TEDC1: variants seen among roughly 807,000 people sequenced by gnomAD.
TEDC1 encodes tubulin epsilon and delta complex protein 1.
Under a neutral mutation model 59.9 loss-of-function variants are expected in TEDC1, and 54 were observed. The observed-to-expected ratio is 0.90, with a 90% confidence interval of 0.72 to 1.13. TEDC1 has a LOEUF of 1.13. Among genes scored for constraint, TEDC1 ranks in the 50% most tolerant of loss-of-function variants. TEDC1 has a pLI of 0.00. For missense variants in TEDC1, 734 were observed against 683.4 expected, an observed-to-expected ratio of 1.07 and a Z score of -0.83; for synonymous variants, 353 against 298.1, an observed-to-expected ratio of 1.18 and a Z score of -1.90.
At chr14:105,490,997 G>A (rs2084192423), upstream of TEDC1, 1 of 1,542,968 alleles carries the variant, frequency 6.5e-7, no homozygotes, top group East Asian at 2.4e-5. Flanking sequence ...CAGGAGCCCG[G>A]AAGTGGGTCC....
At chr14:105,491,083 C>A (rs782609819), upstream of TEDC1, 1 of 1,551,424 alleles carries the variant, frequency 6.4e-7, no homozygotes, top group South Asian at 1.2e-5. Context: ...CGGGACCCTG[C>A]CGACGCAGTG....
intron 4 of TEDC1, 71 bp from the exon 5 acceptor site, chr14:105,493,764 C>T: frequency 9.0e-7 from 1 of 1,115,288 alleles, no homozygotes; most frequent in East Asian, 2.4e-5. Flanking sequence ...CCTCCCTGGA[C>T]TCATGGAGAC....
At chr14:105,492,762 G>A (rs2084245900) in intron 4 of TEDC1, 28 bp downstream of exon 4, 4 of 1,536,214 alleles carry the variant, frequency 2.6e-6, no homozygotes, top group Admixed American at 2.0e-5. Flanking sequence ...CTTCCACTCA[G>A]GGGCTGTGTC....
At chr14:105,493,496 A>G (rs1451296543) in intron 4 of TEDC1, among the ~76,000 whole-genome samples, 1 of 152,068 alleles carries the variant, frequency 6.6e-6, no homozygotes, top group Non-Finnish European at 1.5e-5. Flanking sequence ...AGCCTGGCTG[A>G]ACTGCTGTGC....
upstream of TEDC1, chr14:105,490,165 G>GT (rs1169955938): frequency 6.6e-6 from 1 of 151,132 alleles, no homozygotes; most frequent in Non-Finnish European, 1.5e-5. Context: ...CTTGCTGGGG[G>GT]GGGGGCCCCG....
At chr14:105,492,026 C>A in intron 2 of TEDC1, 81 bp from the exon 3 acceptor site, 1 of 1,401,516 alleles carries the variant, frequency 7.1e-7, no homozygotes, top group Non-Finnish European at 9.8e-7. Flanking sequence ...GCTCAAGTGA[C>A]CTGTGGGGGT....
At position 105,492,277 on chromosome 14, in the gene TEDC1, G is replaced by C. The variant is rs200813738; in HGVS notation, c.397G>C (p.Val133Leu). 6 of 1,607,358 alleles carry C rather than the reference G, an allele frequency of 3.7e-6. No homozygotes were observed. In the East Asian group the frequency reaches 1.1e-4, roughly 30 times the overall value. The change falls in exon 3 of 9, where the codon GTG (valine) becomes CTG (leucine). Residue 133 changes from valine to leucine, a missense_variant. Physicochemically the swap from Val to Leu is conservative, Grantham distance 32 (BLOSUM62 1). Transcript: ENST00000392523. Reference protein sequence around the residue: ...VPEQMLAQARVPLGDEMTVCQ... With the variant: ...VPEQMLAQARLPLGDEMTVCQ... ...CGAGCAGATGCTGGCCCAGGCCCGA[G>C]TGCCTCTGGGTGACGAGATGACTGT...
intron 4 of TEDC1, 29 bp from the exon 5 acceptor site, chr14:105,493,806 C>A (rs781963677): frequency 6.4e-7 from 1 of 1,556,212 alleles, no homozygotes; most frequent in East Asian, 2.2e-5. Context: ...GACTGCCACT[C>A]AGCCTGGGGT....
chr14:105,491,015 A>C (rs2084192770), upstream of TEDC1: 1 of 1,549,624 alleles, frequency 6.5e-7, no homozygotes, highest in Non-Finnish European at 8.7e-7. Context: ...TCCGCACGAG[A>C]CAGAATAGAC....
chr14:105,498,107 C>T (rs1053080052), intron 8 of TEDC1, 130 bp downstream of exon 8: 4 of 1,180,796 alleles, frequency 3.4e-6, no homozygotes, highest in Non-Finnish European at 4.5e-6. Flanking sequence ...CACTTAGAGG[C>T]ACGTACCCTG....
chr14:105,491,491 T>G lies in TEDC1; in HGVS notation c.116T>G (p.Phe39Cys), dbSNP rs1402124805. ...SLPSGPSPEI[F>C]RRAKFDRPEA... is the part of the protein sequence containing the mutation. ...CCCTCGGGACCCAGCCCCGAGATCT[T>G]CCGCCGCGCCAAGTTCGACCGTCCG... Residue 39 changes from phenylalanine to cysteine, a missense_variant, in exon 1 of 9, where the codon TTC (phenylalanine) becomes TGC (cysteine). Coordinates refer to ENST00000392523, the MANE Select transcript of TEDC1 (RefSeq NM_001367178.1). 1 of 1,491,376 alleles carries G rather than the reference T, an allele frequency of 6.7e-7. No individual in the cohort carries two copies. Among genetic ancestry groups the G allele is most frequent in the South Asian group, 1.3e-5 (1 of 77,284 alleles). The allele number at this position is 1,491,376 out of a possible 1,614,324, so 92.4% of individuals were successfully genotyped here.
chr14:105,498,085 TGGCAGGGGACACACTTAGA>T (rs1317448182), intron 8 of TEDC1, 108 bp downstream of exon 8: 23 of 1,322,590 alleles, frequency 1.7e-5, no homozygotes, highest in Non-Finnish European at 2.1e-5. Context: ...TTGTCAAGCA[TGGCAGGGGACACACTTAGA>T]GGCACGTACC....
chr14:105,491,270 G>A lies in TEDC1; in HGVS notation c.-106G>A. The A allele has an allele frequency of 1.3e-6, 2 of 1,525,904 alleles. No individual in the cohort carries two copies. The highest frequency in any genetic ancestry group is 1.8e-6 in the Non-Finnish European group (2 of 1,139,332). The allele number at this position is 1,525,904 out of a possible 1,614,324, so 94.5% of individuals were successfully genotyped here. On this transcript the variant is annotated 5_prime_UTR_variant, in exon 1 of 9. Transcript: ENST00000392523. ...CAGGTTCCAGCCGGAGCGGTAACTG[G>A]GCGCAGGTCCCAGCCGCCGCACTAA...
intron 7 of TEDC1, 150 bp from the exon 8 acceptor site, chr14:105,497,648 T>C: frequency 8.6e-7 from 1 of 1,158,106 alleles, no homozygotes; most frequent in Non-Finnish European, 1.2e-6. Context: ...CCTTCTAGAG[T>C]GTGGCCTTTG....
At chr14:105,494,103 C>T in intron 5 of TEDC1, 170 bp downstream of exon 5, 1 of 627,306 alleles carries the variant, frequency 1.6e-6, no homozygotes, top group South Asian at 1.8e-5. Context: ...CAGACAGCTT[C>T]TCTGGGCCTC....
intron 8 of TEDC1, 95 bp downstream of exon 8, chr14:105,498,072 C>T (rs1267718220): frequency 3.7e-6 from 5 of 1,362,076 alleles, no homozygotes; most frequent in South Asian, 1.6e-5. Flanking sequence ...CCTACAGTTG[C>T]ATTTGTCAAG....
upstream of TEDC1, chr14:105,490,841 T>G (rs2084189490): frequency 3.0e-6 from 2 of 658,984 alleles, no homozygotes; most frequent in Non-Finnish European, 5.3e-6. Flanking sequence ...TTCCGGAGTC[T>G]GCGCGCTCCC....
rs140719849 is a variant in TEDC1 at position 105,493,751 on chromosome 14, C to T, written c.586-84C>T. The T allele has an allele frequency of 4.1e-4, 398 of 975,488 alleles. 1 individual carries two copies. In the African/African-American group the frequency reaches 5.0e-3, roughly 12 times the overall value. The allele number at this position is 975,488 out of a possible 1,614,324, so 60.4% of individuals were successfully genotyped here. A position where few individuals can be genotyped will look rare whatever the true frequency, so the allele number is the denominator to read the frequency against. On this transcript the variant is annotated intron_variant, in intron 4 of 8. Transcript: ENST00000392523. ...CATCTGGGAGGTGGGCTCTGATGGC[C>T]GACCTCCCTGGACTCATGGAGACTC...
At chr14:105,497,616 G>A in intron 7 of TEDC1, 173 bp downstream of exon 7, 1 of 1,095,072 alleles carries the variant, frequency 9.1e-7, no homozygotes, top group Non-Finnish European at 1.3e-6. Context: ...GCTCACTGCT[G>A]CCCCCGCCCT....
Sources: allele counts gnomAD v4.1 joint callset (sites outside exome capture counted in the v4.1 genomes callset), GRCh38; gene constraint gnomAD v4.1.1; transcripts MANE v1.5; gene names NCBI Gene and HGNC (gene_info 2026-07-23, HGNC 2026-07-21).